NCAPG2: variants seen among roughly 807,000 people sequenced by gnomAD.
NCAPG2 encodes the protein condensin-2 complex subunit G2.
In NCAPG2, 53 loss-of-function variants were observed where a neutral mutation model predicts 141.1. That is an observed-to-expected ratio of 0.38 (90% CI 0.30 to 0.47). The LOEUF is 0.47. NCAPG2 is among the 20% of genes least tolerant of loss of function. The pLI is 0.99. For synonymous variants in NCAPG2, 499 were observed against 490.7 expected, an observed-to-expected ratio of 1.02 and a Z score of -0.22; for missense variants, 1,087 against 1,389.0, an observed-to-expected ratio of 0.78 and a Z score of 3.46.
At chr7:158,677,531 A>AAAAAAAAAAAAAAAAAAAAG (rs1370574761) in intron 11 of NCAPG2, among the ~76,000 whole-genome samples, 1 of 45,330 alleles carries the variant, frequency 2.2e-5, no homozygotes, top group Non-Finnish European at 4.5e-5. Flanking sequence ...AAAGCAAAAA[A>AAAAAAAAAAAAAAAAAAAAG]AAAAAAAAAA....
At chr7:158,698,059 T>C (rs982929772) in intron 2 of NCAPG2, among the ~76,000 whole-genome samples, 1 of 152,174 alleles carries the variant, frequency 6.6e-6, no homozygotes, top group African/African-American at 2.4e-5. Context: ...TAAACCCCCA[T>C]GAGACAAGTT....
chr7:158,693,107 C>T, intron 3 of NCAPG2, 151 bp from the exon 4 acceptor site: 1 of 792,072 alleles, frequency 1.3e-6, no homozygotes, highest in Non-Finnish European at 2.0e-6. Flanking sequence ...GTAAATCATC[C>T]TAAAAGAACA....
At chr7:158,687,540 A>G in intron 6 of NCAPG2, 98 bp from the exon 7 acceptor site, 3 of 855,980 alleles carry the variant, frequency 3.5e-6, no homozygotes, top group Non-Finnish European at 3.6e-6. Flanking sequence ...AAACATTGCT[A>G]TTGCTAAAAA....
chr7:158,662,352 G>C lies in NCAPG2; in HGVS notation c.1831C>G (p.Leu611Val). 1 of 1,584,342 alleles carries C rather than the reference G, an allele frequency of 6.3e-7. No individual in the cohort carries two copies. Among genetic ancestry groups the C allele is most frequent in the East Asian group, 2.3e-5 (1 of 43,800 alleles). ...KENVTVLDKT[L>V]SVNDVACMAG... ...ATGCATGCAACATCGTTTACTGACA[G>C]TGTTTTGTCCAGAACCTAAGATAAA... The change falls in exon 16 of 28, where the codon CTG (leucine) becomes GTG (valine). Residue 611 changes from leucine (L) to valine (V), a missense_variant. Physicochemically the swap from Leu to Val is conservative, Grantham distance 32 (BLOSUM62 1). Transcript: ENST00000356309.
chr7:158,669,906 G>T (rs1025437086), intron 13 of NCAPG2, among the ~76,000 whole-genome samples: 1 of 151,536 alleles, frequency 6.6e-6, no homozygotes, highest in African/African-American at 2.4e-5. Flanking sequence ...TTCCCAAAGT[G>T]CTGGGATTAC....
At chr7:158,640,052 C>CAAAAAAAAAAAAAAAAAA (rs58368997) in intron 27 of NCAPG2, 5 of 98,322 alleles carry the variant, frequency 5.1e-5, no homozygotes, top group Non-Finnish European at 1.0e-4. Flanking sequence ...GAATAAATGC[C>CAAAAAAAAAAAAAAAAAA]AAAAAAAAAA....
chr7:158,635,271 A>T (rs994183586), intron 27 of NCAPG2, among the ~76,000 whole-genome samples: 1 of 152,212 alleles, frequency 6.6e-6, no homozygotes, highest in Non-Finnish European at 1.5e-5. Context: ...TTAAAAAAAA[A>T]GACTGTTAAA....
chr7:158,671,785 T>C, intron 12 of NCAPG2, 119 bp from the exon 13 acceptor site: 6 of 1,088,100 alleles, frequency 5.5e-6, no homozygotes, highest in Admixed American at 2.8e-5. Flanking sequence ...ACTAGTGAAA[T>C]AAATATACCT....
chr7:158,673,793 A>T (rs973441756), intron 12 of NCAPG2, among the ~76,000 whole-genome samples: 1 of 152,252 alleles, frequency 6.6e-6, no homozygotes, highest in African/African-American at 2.4e-5. Context: ...CTGGCTCCTC[A>T]GCCAGCACTT....
At chr7:158,634,620 C>A (rs1170904391) in intron 27 of NCAPG2, among the ~76,000 whole-genome samples, 1 of 152,138 alleles carries the variant, frequency 6.6e-6, no homozygotes, top group Non-Finnish European at 1.5e-5. Flanking sequence ...ACAAGAATGA[C>A]TCTTTATCGT....
rs183874124 is a variant in NCAPG2, at chr7:158,682,348, G to A, written c.924+952C>T. On this transcript the variant is annotated intron_variant, in intron 9 of 27. Transcript: ENST00000356309. ...TAAAGCCACACTGGGATGGGGGTGG[G>A]GGGTGGGTAGGACAGGGAGTTCATT... Among the ~76,000 whole-genome samples, 42 of 147,672 alleles carry A rather than the reference G, an allele frequency of 2.8e-4. 1 individual carries two copies. The East Asian group carries it at 3.7e-3, about 13-fold the overall frequency.
At chr7:158,660,693 G>T (rs1218924615) in intron 16 of NCAPG2, among the ~76,000 whole-genome samples, 1 of 152,154 alleles carries the variant, frequency 6.6e-6, no homozygotes, top group Non-Finnish European at 1.5e-5. Flanking sequence ...TGGGATTACA[G>T]GTGTGAACCA....
At chr7:158,697,327 C>T (rs180695564) in intron 2 of NCAPG2, among the ~76,000 whole-genome samples, 1 of 152,332 alleles carries the variant, frequency 6.6e-6, no homozygotes, top group East Asian at 1.9e-4. Flanking sequence ...GATGGCTGGG[C>T]ATGGTGGCTC....
chr7:158,667,839 T>C (rs867342592), intron 13 of NCAPG2, among the ~76,000 whole-genome samples: 9 of 4,980 alleles, frequency 1.8e-3, no homozygotes, highest in Admixed American at 7.1e-3. Flanking sequence ...CCCTCCGCCC[T>C]CCCTTACCCA....
At chr7:158,700,305 C>T (rs1835701847) in intron 2 of NCAPG2, among the ~76,000 whole-genome samples, 1 of 152,178 alleles carries the variant, frequency 6.6e-6, no homozygotes. Context: ...TGTCTGCTGG[C>T]TTTCCAGCAA....
At chr7:158,680,313 G>C (rs370291526) in intron 10 of NCAPG2, among the ~76,000 whole-genome samples, 1 of 152,164 alleles carries the variant, frequency 6.6e-6, no homozygotes, top group Non-Finnish European at 1.5e-5. Context: ...TCACTAAGAA[G>C]TGGTCACCCC....
chr7:158,693,175 A>C (rs1835235075), intron 3 of NCAPG2, 134 bp downstream of exon 3: 1 of 988,500 alleles, frequency 1.0e-6, no homozygotes, highest in Admixed American at 2.9e-5. Flanking sequence ...AAACTACAAC[A>C]GACTAAACTT....
intron 1 of NCAPG2, among the ~76,000 whole-genome samples, chr7:158,703,220 A>G (rs1384778121): frequency 6.6e-6 from 1 of 152,188 alleles, no homozygotes; most frequent in Non-Finnish European, 1.5e-5. Context: ...TTCACTGACA[A>G]AGAAAATGGG....
Position 158,701,857 on chromosome 7 carries a change from G to A in NCAPG2, c.43C>T (p.Leu15=). 6.2e-7 allele frequency: 1 copy of A among 1,613,548 alleles called. No individual in the cohort carries two copies. The highest frequency in any genetic ancestry group is 8.5e-7 in the Non-Finnish European group (1 of 1,179,878). Residue 15 remains leucine, a synonymous_variant, in exon 2 of 28, where the codon CTG becomes TTG. Transcript: ENST00000356309. ...ETFVQAVSKE[L]VGEFLQFVQL... is the part of the protein sequence containing the mutation. ...ACAAATTGCAAAAACTCTCCAACCA[G>A]CTCCTTAGACACGGCTTGTACAAAC...
Sources: gnomAD v4.1 joint callset for allele counts (sites outside exome capture counted in the v4.1 genomes callset) on GRCh38, gnomAD v4.1.1 for gene constraint, MANE v1.5 for transcripts, NCBI Gene and HGNC (gene_info 2026-07-23, HGNC 2026-07-21) for gene names.